SUPT3H: variants seen among roughly 807,000 people sequenced by gnomAD.
SUPT3H encodes transcription initiation protein SPT3 homolog.
Under a neutral mutation model 44.3 loss-of-function variants are expected in SUPT3H, and 44 were observed. The ratio of observed to expected loss-of-function variants is 0.99; its 90% CI spans 0.78 to 1.28. SUPT3H has a LOEUF of 1.28. SUPT3H is among the 50% of genes most tolerant of loss of function. The pLI is 0.00. For missense variants in SUPT3H, 380 were observed against 387.1 expected, an observed-to-expected ratio of 0.98 and a Z score of 0.15; for synonymous variants, 124 against 125.6, an observed-to-expected ratio of 0.99 and a Z score of 0.09.
intron 2 of SUPT3H, among the ~76,000 whole-genome samples, chr6:45,169,914 T>C (rs1810501106): frequency 6.6e-6 from 1 of 152,170 alleles, no homozygotes; most frequent in Admixed American, 6.5e-5. Context: ...CAAACCAGTA[T>C]ATAAAGAAGA....
Position 45,334,382 on chromosome 6 carries a change from C to T in SUPT3H, c.101+30819G>A, listed in dbSNP as rs185639104. Among the ~76,000 whole-genome samples the T allele has an allele frequency of 4.0e-4, 59 of 146,622 alleles. 1 individual carries two copies. Among genetic ancestry groups the T allele is most frequent in the Non-Finnish European group, 7.4e-4 (49 of 66,148 alleles). On this transcript the variant is annotated intron_variant, in intron 2 of 10. Coordinates refer to ENST00000371459, the MANE Select transcript of SUPT3H (RefSeq NM_003599.4). ...GTTCCCCTAAATTACATGAACCATA[C>T]CATTATTTACATATTCCTTATAGTC... is the stretch of plus-strand genomic sequence containing the variant.
chr6:45,084,782 T>C (rs1796282592), intron 3 of SUPT3H, among the ~76,000 whole-genome samples: 1 of 152,078 alleles, frequency 6.6e-6, no homozygotes, highest in African/African-American at 2.4e-5. Context: ...TATGCAGCCA[T>C]AAAAAAGAAT....
intron 3 of SUPT3H, among the ~76,000 whole-genome samples, chr6:45,048,237 T>C (rs1334040769): frequency 1.6e-5 from 1 of 63,838 alleles, no homozygotes; most frequent in Non-Finnish European, 4.6e-5. Context: ...TTTTTTTTTT[T>C]TTTTTTTTTG....
At position 44,871,226 on chromosome 6, in the gene SUPT3H, C is replaced by T. The variant is rs1233035863; in HGVS notation, c.913-41369G>A. On this transcript the variant is annotated intron_variant, in intron 10 of 10. Coordinates refer to ENST00000371459, the MANE Select transcript of SUPT3H (RefSeq NM_003599.4). Reference sequence around the variant, plus strand: ...AGACAAACAAAAAGACAGCAGTAACCTCTGCAGACTTAAGTGTCCCTGTCT... The same window carrying T: ...AGACAAACAAAAAGACAGCAGTAACTTCTGCAGACTTAAGTGTCCCTGTCT... 5.3e-5 allele frequency among the ~76,000 whole-genome samples: 7 copies of T among 131,934 alleles called. No homozygotes were observed. In the East Asian group the frequency reaches 9.6e-4, roughly 18 times the overall value. The allele number at this position is 131,934 out of a possible 152,430, so 86.6% of individuals were successfully genotyped here.
At chr6:45,144,454 T>C (rs1021518522) in intron 2 of SUPT3H, among the ~76,000 whole-genome samples, 1 of 152,036 alleles carries the variant, frequency 6.6e-6, no homozygotes, top group African/African-American at 2.4e-5. Flanking sequence ...AAGTCCAGCA[T>C]CCCTTTATGA....
At chr6:45,215,704 C>T (rs773470545) in intron 2 of SUPT3H, among the ~76,000 whole-genome samples, 13 of 152,032 alleles carry the variant, frequency 8.6e-5, no homozygotes, top group Admixed American at 7.2e-4. Flanking sequence ...AATTATTAAG[C>T]AAACCACAGC....
chr6:45,186,119 A>AATGT (rs1164596222), intron 2 of SUPT3H, among the ~76,000 whole-genome samples: 3 of 152,176 alleles, frequency 2.0e-5, no homozygotes, highest in African/African-American at 7.2e-5. Context: ...CTGTAAAGGC[A>AATGT]ATGTAAGTCA....
intron 3 of SUPT3H, chr6:45,098,649 T>C (rs1798125912): frequency 3.0e-6 from 1 of 331,912 alleles, no homozygotes; most frequent in Non-Finnish European, 5.9e-6. Context: ...GATAAGCATC[T>C]AAAGTGGGCT....
chr6:44,890,628 G>T, intron 10 of SUPT3H, among the ~76,000 whole-genome samples: 1 of 109,768 alleles, frequency 9.1e-6, no homozygotes, highest in Admixed American at 1.1e-4. Context: ...GGAGGGGGGA[G>T]GGATAGCATT....
At chr6:45,329,239 T>C (rs768261378) in intron 2 of SUPT3H, among the ~76,000 whole-genome samples, 8 of 152,008 alleles carry the variant, frequency 5.3e-5, no homozygotes, top group Non-Finnish European at 8.8e-5. Flanking sequence ...AACATTATGG[T>C]CTACCATGTA....
At chr6:45,083,144 C>T (rs1796026424) in intron 3 of SUPT3H, among the ~76,000 whole-genome samples, 1 of 148,384 alleles carries the variant, frequency 6.7e-6, no homozygotes, top group African/African-American at 2.5e-5. Flanking sequence ...AAAAACATTC[C>T]ATGTTCATAG....
At chr6:45,076,090 C>T (rs1437158774) in intron 3 of SUPT3H, among the ~76,000 whole-genome samples, 1 of 152,034 alleles carries the variant, frequency 6.6e-6, no homozygotes, top group South Asian at 2.1e-4. Context: ...ATTTTGACTG[C>T]ATCCCAAATA....
intron 2 of SUPT3H, among the ~76,000 whole-genome samples, chr6:45,335,734 A>T (rs1182802475): frequency 1.3e-5 from 2 of 151,296 alleles, no homozygotes; most frequent in Admixed American, 1.3e-4. Context: ...TTAAGACACC[A>T]TGAAGTAATC....
intron 9 of SUPT3H, among the ~76,000 whole-genome samples, chr6:44,943,211 G>A (rs1451983701): frequency 6.6e-6 from 1 of 151,982 alleles, no homozygotes; most frequent in Non-Finnish European, 1.5e-5. Context: ...AGAAATTTTA[G>A]AAGTATAAAA....
intron 3 of SUPT3H, among the ~76,000 whole-genome samples, chr6:45,081,717 T>C (rs1470780867): frequency 6.6e-6 from 1 of 152,142 alleles, no homozygotes; most frequent in Non-Finnish European, 1.5e-5. Context: ...CACATACTTA[T>C]ACACCATTTA....
At chr6:45,255,056 A>C (rs1241595246) in intron 2 of SUPT3H, among the ~76,000 whole-genome samples, 1 of 152,182 alleles carries the variant, frequency 6.6e-6, no homozygotes, top group Non-Finnish European at 1.5e-5. Flanking sequence ...CCCAAAGCAT[A>C]AGAGTAGTGA....
At chr6:44,974,164 C>T (rs781492305) in intron 6 of SUPT3H, among the ~76,000 whole-genome samples, 20 of 151,926 alleles carry the variant, frequency 1.3e-4, no homozygotes, top group South Asian at 6.2e-4. Context: ...GGTTTGGCTA[C>T]GTGTGTATAT....
chr6:45,075,253 C>A (rs1040242568), intron 3 of SUPT3H, among the ~76,000 whole-genome samples: 14 of 152,024 alleles, frequency 9.2e-5, no homozygotes, highest in Non-Finnish European at 2.1e-4. Flanking sequence ...TTTTTAAATA[C>A]CTTCCTAAAC....
At position 44,952,596 on chromosome 6, in the gene SUPT3H, G is replaced by A. The variant is rs185204563; in HGVS notation, c.801+714C>T. ...CTTGCTGTCTTATCTATGGATATTC[G>A]ATTGAATTACGTGAAACTGCTGTTT... On this transcript the variant is annotated intron_variant, in intron 9 of 10. Transcript: ENST00000371459. Among the ~76,000 whole-genome samples the A allele has an allele frequency of 3.9e-3, 597 of 152,248 alleles. 5 individuals carry two copies. The highest frequency in any genetic ancestry group is 4.5e-3 in the Non-Finnish European group (308 of 68,008).
Sources: allele counts gnomAD v4.1 joint callset (sites outside exome capture counted in the v4.1 genomes callset), GRCh38; gene constraint gnomAD v4.1.1; transcripts MANE v1.5; gene names NCBI Gene and HGNC (gene_info 2026-07-23, HGNC 2026-07-21).